REV1: variants seen among roughly 807,000 people sequenced by gnomAD.
The protein encoded by REV1 is translesion synthesis protein REV1.
In REV1, 42 loss-of-function variants were observed where a neutral mutation model predicts 137.4. The ratio of observed to expected loss-of-function variants is 0.31; its 90% CI spans 0.24 to 0.40. The LOEUF is 0.40. Ranked by LOEUF, REV1 falls within the 10% of genes least tolerant of loss-of-function variation. The pLI, the probability that REV1 is intolerant of heterozygous loss-of-function variation, is 1.00. For missense variants in REV1, 1,282 were observed against 1,490.1 expected (o/e 0.86, Z 2.30); for synonymous variants, 524 against 519.2 (o/e 1.01, Z -0.12).
intron 4 of REV1, among the ~76,000 whole-genome samples, chr2:99,443,275 A>C (rs960410825): frequency 3.3e-5 from 5 of 152,230 alleles, no homozygotes; most frequent in African/African-American, 9.6e-5. Flanking sequence ...ATTTCAAAAC[A>C]ACCTCTGGAT....
intron 9 of REV1, among the ~76,000 whole-genome samples, chr2:99,426,877 G>C (rs750426102): frequency 1.3e-5 from 2 of 152,090 alleles, no homozygotes; most frequent in Non-Finnish European, 2.9e-5. Context: ...TTTGGTGTTG[G>C]ATTCAACAAT....
At chr2:99,407,262 G>A (rs777869036) in intron 15 of REV1, among the ~76,000 whole-genome samples, 11 of 151,036 alleles carry the variant, frequency 7.3e-5, no homozygotes, top group Non-Finnish European at 1.3e-4. Flanking sequence ...GCTAATTTTT[G>A]TATTTTTAGT....
chr2:99,444,852 T>C lies in REV1; in HGVS notation c.351-2383A>G, dbSNP rs546969049. On this transcript the variant is annotated intron_variant, in intron 4 of 22. Transcript: ENST00000258428. The stretch of plus-strand genomic sequence containing the variant: ...TTTCTCACATTTACTATTTCCCCTC[T>C]TGTTCTAAGCGCAAAGGAACTGTAC... 5.9e-4 allele frequency among the ~76,000 whole-genome samples: 90 copies of C among 152,320 alleles called. 1 individual carries two copies. The highest frequency in any genetic ancestry group is 1.4e-3 in the South Asian group (7 of 4,830).
chr2:99,413,536 G>C (rs1426192212), intron 12 of REV1, among the ~76,000 whole-genome samples: 1 of 152,132 alleles, frequency 6.6e-6, no homozygotes, highest in Non-Finnish European at 1.5e-5. Flanking sequence ...TGGGGTAGAA[G>C]ACAGACTTTT....
At chr2:99,401,874 G>GGT in intron 22 of REV1, among the ~76,000 whole-genome samples, 1 of 149,792 alleles carries the variant, frequency 6.7e-6, no homozygotes, top group Non-Finnish European at 1.5e-5. Flanking sequence ...CAAGTAACTG[G>GGT]GACCACAGGT....
intron 4 of REV1, among the ~76,000 whole-genome samples, chr2:99,444,705 TATCA>T (rs1410619313): frequency 9.2e-5 from 14 of 152,220 alleles, no homozygotes; most frequent in African/African-American, 3.4e-4. Flanking sequence ...AACCACTATC[TATCA>T]GTTGTATACT....
intron 19 of REV1, 183 bp downstream of exon 19, chr2:99,403,512 C>T: frequency 1.2e-6 from 1 of 802,096 alleles, no homozygotes; most frequent in Non-Finnish European, 1.9e-6. Flanking sequence ...AAAGTACAGA[C>T]ACAAATCCAA....
chr2:99,407,077 G>GTTTTTTTTTT (rs1293864331), intron 15 of REV1: 8 of 46,762 alleles, frequency 1.7e-4, no homozygotes, highest in Admixed American at 3.1e-4. Flanking sequence ...ACCTACAAAG[G>GTTTTTTTTTT]TTCTTTTTTT....
chr2:99,424,700 A>G (rs1372103064), intron 9 of REV1: 1 of 1,236,118 alleles, frequency 8.1e-7, no homozygotes, highest in Non-Finnish European at 1.1e-6. Context: ...CCCCAAAGAC[A>G]AAGAATATAA....
At chr2:99,448,825 C>G (rs1682552123) in intron 4 of REV1, among the ~76,000 whole-genome samples, 1 of 152,158 alleles carries the variant, frequency 6.6e-6, no homozygotes, top group African/African-American at 2.4e-5. Flanking sequence ...CTGACACTTT[C>G]CTGAGTCATC....
chr2:99,473,359 C>T (rs1345842387), intron 1 of REV1, among the ~76,000 whole-genome samples: 7 of 123,092 alleles, frequency 5.7e-5, no homozygotes, highest in Non-Finnish European at 1.0e-4. Context: ...CAGAGCGAGA[C>T]TGTCTCAAAA....
In REV1 at chr2:99,442,441, T is replaced by C; in HGVS notation, c.379A>G (p.Ile127Val). The C allele has an allele frequency of 6.2e-7, 1 of 1,613,884 alleles. No individual in the cohort carries two copies. Among genetic ancestry groups the C allele is most frequent in the East Asian group, 2.2e-5 (1 of 44,870 alleles). Residue 127 changes from isoleucine (I) to valine (V), a missense_variant, in exon 5 of 23, where the codon ATT becomes GTT. By Grantham distance (29) the Ile-to-Val change is conservative. Transcript: ENST00000258428. ...TGCTTGGTGTACAGCTGATATGGAA[T>C]GTAGGAGAGGAGTCGTCCAGCTTTG... ...SIKAGRLLSY[I>V]PYQLYTKQSS...
intron 3 of REV1, among the ~76,000 whole-genome samples, chr2:99,458,346 C>T (rs1683762959): frequency 6.6e-6 from 1 of 152,124 alleles, no homozygotes. Context: ...AAAGAATGTT[C>T]AACATTATTA....
At chr2:99,449,078 A>G (rs1440321796) in intron 4 of REV1, among the ~76,000 whole-genome samples, 1 of 152,158 alleles carries the variant, frequency 6.6e-6, no homozygotes, top group African/African-American at 2.4e-5. Context: ...GTTTGAGACC[A>G]GTCTCGGCAA....
intron 1 of REV1, among the ~76,000 whole-genome samples, chr2:99,479,714 G>A (rs1686401067): frequency 6.6e-6 from 1 of 151,952 alleles, no homozygotes. Flanking sequence ...CTTGAGCCTG[G>A]AAGGTCAAGG....
chr2:99,488,097 G>T (rs1315566370), intron 1 of REV1, among the ~76,000 whole-genome samples: 2 of 118,500 alleles, frequency 1.7e-5, no homozygotes, highest in Non-Finnish European at 1.8e-5. Flanking sequence ...ATGTAACTGT[G>T]AACTTCCTGT....
chr2:99,421,681 T>TCA (rs1559316858), intron 10 of REV1, 28 bp from the exon 11 acceptor site: 2 of 1,595,728 alleles, frequency 1.3e-6, no homozygotes, highest in African/African-American at 2.7e-5. Context: ...AGGCAACGAA[T>TCA]CACAGCCACA....
intron 9 of REV1, among the ~76,000 whole-genome samples, chr2:99,425,623 G>A (rs1473554977): frequency 6.6e-6 from 1 of 152,140 alleles, no homozygotes; most frequent in Non-Finnish European, 1.5e-5. Flanking sequence ...AACTTTATCA[G>A]AAAGCAGAAA....
chr2:99,459,508 T>A (rs1177385990), intron 3 of REV1, among the ~76,000 whole-genome samples: 1 of 152,046 alleles, frequency 6.6e-6, no homozygotes, highest in Non-Finnish European at 1.5e-5. Flanking sequence ...GAGTTTCAGA[T>A]CAGCCTGGGA....
Sources: gnomAD v4.1 joint callset for allele counts (sites outside exome capture counted in the v4.1 genomes callset) on GRCh38, gnomAD v4.1.1 for gene constraint, MANE v1.5 for transcripts, NCBI Gene and HGNC (gene_info 2026-07-23, HGNC 2026-07-21) for gene names.